ANKFN1: variants seen among roughly 807,000 people sequenced by gnomAD.
ANKFN1 encodes the protein ankyrin repeat and fibronectin type III domain containing 1.
Under a neutral mutation model 108.7 loss-of-function variants are expected in ANKFN1, and 74 were observed. That is an observed-to-expected ratio of 0.68 (90% CI 0.56 to 0.83). The LOEUF is 0.83. Ranked by LOEUF, ANKFN1 falls within the 40% of genes least tolerant of loss-of-function variation. The pLI, the probability that ANKFN1 is intolerant of heterozygous loss-of-function variation, is 0.00. For missense variants in ANKFN1, 1,505 were observed against 1,382.3 expected (o/e 1.09, Z -1.41); for synonymous variants, 547 against 516.2 (o/e 1.06, Z -0.81).
At chr17:56,276,782 C>T (rs1567879755) in intron 3 of ANKFN1, among the ~76,000 whole-genome samples, 1 of 152,058 alleles carries the variant, frequency 6.6e-6, no homozygotes, top group Non-Finnish European at 1.5e-5. Flanking sequence ...TATTCCTTTT[C>T]CCACAGACAA....
chr17:56,305,919 T>G (rs532798663), intron 3 of ANKFN1, among the ~76,000 whole-genome samples: 5 of 152,206 alleles, frequency 3.3e-5, no homozygotes, highest in Admixed American at 1.3e-4. Context: ...TACTACCTTT[T>G]CTATGTTGGA....
intron 3 of ANKFN1, among the ~76,000 whole-genome samples, chr17:56,228,764 G>A (rs1026600288): frequency 6.6e-6 from 1 of 151,992 alleles, no homozygotes; most frequent in Non-Finnish European, 1.5e-5. Context: ...TTGTCACTAA[G>A]CAAGTAATCA....
upstream of ANKFN1, among the ~76,000 whole-genome samples, chr17:56,150,061 C>A (rs1670362043): frequency 6.6e-6 from 1 of 151,954 alleles, no homozygotes. Context: ...TCTCTGTTAC[C>A]CTAAGAATAT....
In ANKFN1 at chr17:56,049,057, C is replaced by A. The variant is rs983254706; in HGVS notation, c.288+2732C>A. On this transcript the variant is annotated intron_variant, in intron 4 of 12. Transcript: ENST00000635860. ...GGCGCAAGGATTTCTGAATGTCAACCCCTATCAAATCAGATTTGTAGAATA... is the reference window on the plus strand; with the variant it reads ...GGCGCAAGGATTTCTGAATGTCAACACCTATCAAATCAGATTTGTAGAATA... Among the ~76,000 whole-genome samples the A allele has an allele frequency of 2.0e-5, 3 of 152,210 alleles. No homozygotes were observed. The East Asian group carries it at 5.8e-4, about 29-fold the overall frequency.
intron 17 of ANKFN1, among the ~76,000 whole-genome samples, chr17:56,481,839 G>A (rs2050716339): frequency 6.6e-6 from 1 of 152,184 alleles, no homozygotes; most frequent in Non-Finnish European, 1.5e-5. Flanking sequence ...TACTATTAAA[G>A]CGTTTCTTGG....
At chr17:56,444,717 T>G (rs748826045) in intron 10 of ANKFN1, among the ~76,000 whole-genome samples, 13 of 152,174 alleles carry the variant, frequency 8.5e-5, no homozygotes, top group Non-Finnish European at 1.8e-4. Flanking sequence ...ATTTTACTGA[T>G]GAGGGAACTA....
chr17:56,425,791 GC>G (rs2048545143), intron 8 of ANKFN1, among the ~76,000 whole-genome samples: 1 of 152,130 alleles, frequency 6.6e-6, no homozygotes, highest in Non-Finnish European at 1.5e-5. Flanking sequence ...ATCTGAGCCT[GC>G]CTCTATCATT....
At chr17:56,407,807 G>A (rs1567978338) in intron 8 of ANKFN1, among the ~76,000 whole-genome samples, 1 of 151,650 alleles carries the variant, frequency 6.6e-6, no homozygotes, top group East Asian at 1.9e-4. Flanking sequence ...TTAGAGATAA[G>A]TTTCAATAAA....
In ANKFN1 at chr17:56,324,111, T is replaced by C. The variant is rs74698921; in HGVS notation, c.54-2110T>C. Among the ~76,000 whole-genome samples the C allele has an allele frequency of 1.4e-3, 215 of 152,236 alleles. 1 individual carries two copies. Among genetic ancestry groups the C allele is most frequent in the African/African-American group, 5.0e-3 (207 of 41,544 alleles). ...TCTGGTATTCAGAAAGAATATAGCA[T>C]GTCCAAGGAACTAAGAGATATTCAA... On this transcript the variant is annotated intron_variant, in intron 3 of 20. Coordinates refer to ENST00000682825, the MANE Select transcript of ANKFN1 (RefSeq NM_001370326.1).
At chr17:56,104,510 C>T (rs1324086951) in intron 4 of ANKFN1, among the ~76,000 whole-genome samples, 1 of 152,194 alleles carries the variant, frequency 6.6e-6, no homozygotes, top group Admixed American at 6.5e-5. Context: ...TACTGCTGTG[C>T]CACCCTTTTT....
chr17:56,153,068 G>T (rs1567806777), upstream of ANKFN1, among the ~76,000 whole-genome samples: 1 of 152,116 alleles, frequency 6.6e-6, no homozygotes, highest in South Asian at 2.1e-4. Flanking sequence ...CGCAGAAGGA[G>T]GCTAAAACCC....
chr17:56,204,572 C>T (rs1016930282), intron 1 of ANKFN1, among the ~76,000 whole-genome samples: 2 of 151,982 alleles, frequency 1.3e-5, no homozygotes, highest in Non-Finnish European at 2.9e-5. Context: ...AACTACTGAC[C>T]TCAAGTGATC....
At chr17:56,359,513 T>C (rs1206582893) in intron 6 of ANKFN1, among the ~76,000 whole-genome samples, 1 of 152,198 alleles carries the variant, frequency 6.6e-6, no homozygotes, top group Admixed American at 6.5e-5. Flanking sequence ...CCCTCTGCAT[T>C]TCTTGGTGAA....
intron 11 of ANKFN1, among the ~76,000 whole-genome samples, chr17:56,456,632 G>A (rs1179497487): frequency 9.9e-5 from 15 of 151,756 alleles, no homozygotes; most frequent in Admixed American, 6.6e-4. Flanking sequence ...TCCTGACCTC[G>A]TGATCCGCCC....
chr17:56,381,993 C>T (rs1253999477), intron 8 of ANKFN1, among the ~76,000 whole-genome samples: 1 of 151,956 alleles, frequency 6.6e-6, no homozygotes, highest in Non-Finnish European at 1.5e-5. Context: ...GTCAGATTCA[C>T]CAAAGTTGAA....
intron 20 of ANKFN1, among the ~76,000 whole-genome samples, chr17:56,503,486 C>CATATATATATATATATATATAT (rs3052391): frequency 2.5e-5 from 2 of 81,526 alleles, no homozygotes; most frequent in Non-Finnish European, 2.1e-5. Context: ...GCACAAATTT[C>CATATATATATATATATATATAT]ATATATATAT....
rs187993531 is a variant in ANKFN1, at chr17:56,492,111, G to C, written c.2261-76G>C. The C allele has an allele frequency of 4.6e-6, 3 of 654,960 alleles. No homozygotes were observed. The Admixed American group carries it at 6.6e-5, about 14-fold the overall frequency. 40.6% of individuals were successfully genotyped at this position (654,960 alleles called of 1,614,324 possible). A position where few individuals can be genotyped will look rare whatever the true frequency, so the allele number is the denominator to read the frequency against. On this transcript the variant is annotated intron_variant, in intron 18 of 20. Coordinates refer to ENST00000682825, the MANE Select transcript of ANKFN1 (RefSeq NM_001370326.1). ...AATAAATCATGTTTTCATTCAACTT[G>C]TTTTCTCTGAGGTATGAATTTCTCT...
chr17:56,450,479 T>C (rs1291975997), intron 11 of ANKFN1, among the ~76,000 whole-genome samples: 1 of 152,200 alleles, frequency 6.6e-6, no homozygotes, highest in African/African-American at 2.4e-5. Flanking sequence ...CATTAGGATA[T>C]GTAAATATGC....
intron 9 of ANKFN1, among the ~76,000 whole-genome samples, chr17:56,440,940 G>A (rs1281649100): frequency 6.6e-6 from 1 of 151,740 alleles, no homozygotes; most frequent in Admixed American, 6.6e-5. Flanking sequence ...ACTATATATG[G>A]TGGAGCTATG....
Sources: allele counts gnomAD v4.1 joint callset (sites outside exome capture counted in the v4.1 genomes callset), GRCh38; gene constraint gnomAD v4.1.1; transcripts MANE v1.5; gene names NCBI Gene and HGNC (gene_info 2026-07-23, HGNC 2026-07-21).